Variants in HS3ST2 observed in about 807,000 individuals in gnomAD.
HS3ST2 encodes the protein heparan sulfate glucosamine 3-O-sulfotransferase 2.
Under a neutral mutation model 26.3 loss-of-function variants are expected in HS3ST2, and 17 were observed. The ratio of observed to expected loss-of-function variants is 0.65; its 90% CI spans 0.44 to 0.97. The LOEUF (loss-of-function observed/expected upper bound fraction) is 0.97, where lower values mean the gene tolerates loss of function less well. HS3ST2 is among the 50% of genes least tolerant of loss of function. HS3ST2 has a pLI of 0.00. For missense variants in HS3ST2, 402 were observed against 501.2 expected, an observed-to-expected ratio of 0.80 and a Z score of 1.89; for synonymous variants, 237 against 219.2, an observed-to-expected ratio of 1.08 and a Z score of -0.72.
chr16:22,886,077 T>G (rs919292128), intron 1 of HS3ST2, among the ~76,000 whole-genome samples: 1 of 152,150 alleles, frequency 6.6e-6, no homozygotes, highest in African/African-American at 2.4e-5. Flanking sequence ...CTAAGCAAAG[T>G]AGCCCTGGAG....
At chr16:22,884,783 G>A (rs1363207236) in intron 1 of HS3ST2, among the ~76,000 whole-genome samples, 2 of 147,856 alleles carry the variant, frequency 1.4e-5, no homozygotes, top group Non-Finnish European at 3.0e-5. Flanking sequence ...CTTTTGACCT[G>A]TAGCGTTTCA....
intron 1 of HS3ST2, among the ~76,000 whole-genome samples, chr16:22,882,057 C>T (rs1252637144): frequency 2.0e-5 from 3 of 152,174 alleles, no homozygotes; most frequent in African/African-American, 7.2e-5. Context: ...TCTTACATCA[C>T]ATTTTAAAAA....
chr16:22,909,642 G>A (rs1173526721), intron 1 of HS3ST2, among the ~76,000 whole-genome samples: 1 of 152,192 alleles, frequency 6.6e-6, no homozygotes, highest in East Asian at 1.9e-4. Context: ...GAAGTACCCA[G>A]GAGCCCTTTG....
At chr16:22,870,265 A>G (rs1427477478) in intron 1 of HS3ST2, among the ~76,000 whole-genome samples, 1 of 152,074 alleles carries the variant, frequency 6.6e-6, no homozygotes, top group Non-Finnish European at 1.5e-5. Flanking sequence ...AGAAATGCCT[A>G]ATAACCTGTG....
chr16:22,847,248 T>TC (rs1291565201), intron 1 of HS3ST2, among the ~76,000 whole-genome samples: 1 of 152,196 alleles, frequency 6.6e-6, no homozygotes, highest in East Asian at 1.9e-4. Flanking sequence ...GGGTTTCTGT[T>TC]CCTGCATTCG....
intron 1 of HS3ST2, among the ~76,000 whole-genome samples, chr16:22,820,068 T>C (rs1487849850): frequency 6.6e-6 from 1 of 152,224 alleles, no homozygotes; most frequent in African/African-American, 2.4e-5. Context: ...GCATGCACAA[T>C]TGCAGCATCT....
At chr16:22,852,212 C>T (rs1296484078) in intron 1 of HS3ST2, among the ~76,000 whole-genome samples, 1 of 152,052 alleles carries the variant, frequency 6.6e-6, no homozygotes, top group Non-Finnish European at 1.5e-5. Context: ...CTTATCTGGC[C>T]CCAAATGTCA....
At chr16:22,900,245 A>G (rs1271487386) in intron 1 of HS3ST2, among the ~76,000 whole-genome samples, 1 of 152,218 alleles carries the variant, frequency 6.6e-6, no homozygotes, top group African/African-American at 2.4e-5. Context: ...GTTTCGTGGC[A>G]TGCATTCACT....
intron 1 of HS3ST2, among the ~76,000 whole-genome samples, chr16:22,829,033 C>T (rs564311508): frequency 1.3e-5 from 2 of 152,202 alleles, no homozygotes; most frequent in South Asian, 4.1e-4. Context: ...CAAATTTGGG[C>T]ATCATTCAAA....
chr16:22,903,613 C>T (rs977580043), intron 1 of HS3ST2, among the ~76,000 whole-genome samples: 8 of 152,134 alleles, frequency 5.3e-5, no homozygotes, highest in Admixed American at 2.0e-4. Flanking sequence ...TATTCATTCC[C>T]GAGGCAAGTG....
chr16:22,835,974 G>A (rs761337216), intron 1 of HS3ST2, among the ~76,000 whole-genome samples: 2 of 149,702 alleles, frequency 1.3e-5, no homozygotes, highest in Non-Finnish European at 3.0e-5. Flanking sequence ...AGAGGGAAAT[G>A]GAAACATTGA....
intron 1 of HS3ST2, among the ~76,000 whole-genome samples, chr16:22,854,271 G>T (rs1199127345): frequency 6.6e-6 from 1 of 152,146 alleles, no homozygotes; most frequent in Non-Finnish European, 1.5e-5. Flanking sequence ...TTTATAAGTA[G>T]GCTTTTCCCT....
chr16:22,876,781 A>G (rs1038670884), intron 1 of HS3ST2, among the ~76,000 whole-genome samples: 3 of 152,252 alleles, frequency 2.0e-5, no homozygotes, highest in African/African-American at 4.8e-5. Flanking sequence ...TATATATGCC[A>G]TGGAATACTA....
intron 1 of HS3ST2, among the ~76,000 whole-genome samples, chr16:22,914,037 T>C (rs899065424): frequency 6.6e-6 from 1 of 151,956 alleles, no homozygotes; most frequent in Non-Finnish European, 1.5e-5. Context: ...TCTTGAGAGA[T>C]TGAGGTGAGA....
chr16:22,884,141 A>G (rs208608), intron 1 of HS3ST2, among the ~76,000 whole-genome samples: 92,023 of 152,054 alleles, frequency 0.61, 28,473 homozygotes, highest in East Asian at 0.85. Context: ...ACTTGTAAAT[A>G]TGAATTTTGA....
At chr16:22,865,211 A>T (rs1338277804) in intron 1 of HS3ST2, among the ~76,000 whole-genome samples, 1 of 152,116 alleles carries the variant, frequency 6.6e-6, no homozygotes, top group African/African-American at 2.4e-5. Context: ...ACTCAAGAAA[A>T]ACTGAATATT....
intron 1 of HS3ST2, among the ~76,000 whole-genome samples, chr16:22,844,071 C>CT (rs1901398471): frequency 6.6e-6 from 1 of 151,984 alleles, no homozygotes; most frequent in Non-Finnish European, 1.5e-5. Context: ...CACACGTCTT[C>CT]TTACTTTCCA....
chr16:22,904,849 T>C (rs1348300149), intron 1 of HS3ST2, among the ~76,000 whole-genome samples: 1 of 152,110 alleles, frequency 6.6e-6, no homozygotes, highest in African/African-American at 2.4e-5. Context: ...CACATAAGTA[T>C]AAGGATTTGG....
chr16:22,836,040 A>G (rs1473441408), intron 1 of HS3ST2, among the ~76,000 whole-genome samples: 1 of 152,216 alleles, frequency 6.6e-6, no homozygotes, highest in Non-Finnish European at 1.5e-5. Context: ...ACAAACATTT[A>G]TGGTATCTAA....
Sources: gnomAD v4.1 joint callset for allele counts (sites outside exome capture counted in the v4.1 genomes callset) on GRCh38, gnomAD v4.1.1 for gene constraint, MANE v1.5 for transcripts, NCBI Gene and HGNC (gene_info 2026-07-23, HGNC 2026-07-21) for gene names.